UMAD1: variants seen among roughly 807,000 people sequenced by gnomAD.
UMAD1 encodes the protein UBAP1-MVB12-associated (UMA) domain containing 1, also known as UBAP1-MVB12-associated (UMA)-domain containing protein 1.
A neutral mutation model predicts 6.1 loss-of-function variants in UMAD1; 8 were observed. The observed-to-expected ratio is 1.30, with a 90% CI of 0.76 to 2.35. The LOEUF (loss-of-function observed/expected upper bound fraction) is 2.35, where lower values mean the gene tolerates loss of function less well. UMAD1 is among the 30% of genes most tolerant of loss of function. The pLI is 0.00. For synonymous variants in UMAD1, 56 were observed against 31.4 expected, an observed-to-expected ratio of 1.78 and a Z score of -2.61; for missense variants, 130 against 78.4, an observed-to-expected ratio of 1.66 and a Z score of -2.49.
chr7:7,865,561 C>T (rs1784210377), intron 3 of UMAD1, among the ~76,000 whole-genome samples: 1 of 152,182 alleles, frequency 6.6e-6, no homozygotes, highest in Non-Finnish European at 1.5e-5. Context: ...TTTCCTCTAA[C>T]AGAGGTGAAC....
intron 2 of UMAD1, among the ~76,000 whole-genome samples, chr7:7,728,137 A>T (rs1046032954): frequency 1.4e-4 from 22 of 152,272 alleles, no homozygotes; most frequent in African/African-American, 5.3e-4. Context: ...GTACATGTTC[A>T]GATATGTGTG....
chr7:7,641,389 C>CCCCGAGT (rs1784970583), intron 1 of UMAD1: 1 of 152,058 alleles, frequency 6.6e-6, no homozygotes, highest in South Asian at 2.1e-4. Flanking sequence ...GTTCCCCGAG[C>CCCCGAGT]TAGGGTTCTC....
At chr7:7,855,544 G>A (rs919667891) in intron 3 of UMAD1, among the ~76,000 whole-genome samples, 4 of 152,224 alleles carry the variant, frequency 2.6e-5, no homozygotes, top group Non-Finnish European at 5.9e-5. Context: ...GAGTGGCTAG[G>A]ATACAGGGCA....
chr7:7,658,543 G>C (rs1200052508), intron 1 of UMAD1, among the ~76,000 whole-genome samples: 1 of 152,102 alleles, frequency 6.6e-6, no homozygotes, highest in East Asian at 1.9e-4. Flanking sequence ...TTTATCGAAG[G>C]CCTTTTCTGC....
intron 2 of UMAD1, among the ~76,000 whole-genome samples, chr7:7,777,021 GCT>G (rs1427230418): frequency 1.3e-5 from 2 of 152,064 alleles, no homozygotes; most frequent in Non-Finnish European, 2.9e-5. Flanking sequence ...GCAAAAGGTA[GCT>G]TACTATACCA....
chr7:7,792,938 G>T (rs547334201), intron 2 of UMAD1, among the ~76,000 whole-genome samples: 1 of 152,060 alleles, frequency 6.6e-6, no homozygotes. Flanking sequence ...CACTCGTGAG[G>T]GCTCCATCCT....
intron 2 of UMAD1, among the ~76,000 whole-genome samples, chr7:7,774,568 A>T (rs1020122585): frequency 5.9e-5 from 9 of 152,162 alleles, no homozygotes; most frequent in Non-Finnish European, 1.2e-4. Flanking sequence ...GAACTGTTTG[A>T]CCCATTTATG....
intron 2 of UMAD1, among the ~76,000 whole-genome samples, chr7:7,770,226 C>G (rs1782072903): frequency 6.6e-6 from 1 of 152,130 alleles, no homozygotes; most frequent in Non-Finnish European, 1.5e-5. Context: ...TTCAAACTTA[C>G]CTTCATCACA....
intron 2 of UMAD1, chr7:7,742,444 C>G: frequency 1.8e-6 from 1 of 546,832 alleles, no homozygotes; most frequent in Non-Finnish European, 3.6e-6. Context: ...TTCTTTTTTT[C>G]TTTTTCTTTT....
At chr7:7,716,772 C>T (rs928834273) in intron 2 of UMAD1, among the ~76,000 whole-genome samples, 4 of 152,152 alleles carry the variant, frequency 2.6e-5, no homozygotes, top group East Asian at 3.9e-4. Context: ...GGTGAAACCC[C>T]GTCTCTACTA....
intron 3 of UMAD1, among the ~76,000 whole-genome samples, chr7:7,807,491 G>T (rs1782940941): frequency 6.6e-6 from 1 of 152,084 alleles, no homozygotes; most frequent in South Asian, 2.1e-4. Context: ...TAAAATATTT[G>T]TTAAGTGTCT....
rs376262570 is a variant in UMAD1 at position 7,770,330 on chromosome 7, A to G, written c.83-31340A>G. ...GCTCTGGAGCCTGCCTAGCCTGCCT[A>G]ATGCTCTGGGACCTTGCTCTGTTTA... is the stretch of plus-strand genomic sequence containing the variant. On this transcript the variant is annotated intron_variant, in intron 2 of 3. Transcript: ENST00000682710. Among the ~76,000 whole-genome samples, 5 of 152,222 alleles carry G rather than the reference A, an allele frequency of 3.3e-5. No homozygotes were observed. The East Asian group carries it at 7.7e-4, about 23-fold the overall frequency.
chr7:7,786,821 G>T (rs192021251), intron 2 of UMAD1, among the ~76,000 whole-genome samples: 4 of 152,292 alleles, frequency 2.6e-5, no homozygotes, highest in Admixed American at 2.0e-4. Context: ...ATAGGAGGAG[G>T]AAGGTTTGCC....
intron 2 of UMAD1, among the ~76,000 whole-genome samples, chr7:7,792,717 T>A (rs558356512): frequency 6.4e-4 from 97 of 152,326 alleles, no homozygotes; most frequent in African/African-American, 2.2e-3. Flanking sequence ...TGGACTGCTA[T>A]AACAAAATAC....
At chr7:7,698,965 C>A in intron 2 of UMAD1, among the ~76,000 whole-genome samples, 1 of 151,408 alleles carries the variant, frequency 6.6e-6, no homozygotes, top group East Asian at 1.9e-4. Context: ...AGTGATTCTC[C>A]CACTTCAGCC....
intron 2 of UMAD1, among the ~76,000 whole-genome samples, chr7:7,761,896 G>A (rs56044403): frequency 0.26 from 38,954 of 151,782 alleles, 5,598 homozygotes; most frequent in African/African-American, 0.38. Context: ...CTTCTTATCC[G>A]TCTCCTTTGC....
At chr7:7,738,047 A>T (rs1367301813) in intron 2 of UMAD1, among the ~76,000 whole-genome samples, 3 of 152,232 alleles carry the variant, frequency 2.0e-5, no homozygotes, top group Non-Finnish European at 4.4e-5. Flanking sequence ...AATGGATTCT[A>T]AAGTCAAGCT....
At chr7:7,855,339 C>G (rs1783995877) in intron 3 of UMAD1, among the ~76,000 whole-genome samples, 1 of 152,240 alleles carries the variant, frequency 6.6e-6, no homozygotes, top group African/African-American at 2.4e-5. Flanking sequence ...GGGCTCCACC[C>G]CTGCAGCAAA....
intron 2 of UMAD1, among the ~76,000 whole-genome samples, chr7:7,711,398 A>G (rs541285862): frequency 7.9e-5 from 12 of 152,276 alleles, no homozygotes; most frequent in African/African-American, 2.9e-4. Flanking sequence ...ACTTTAGTAA[A>G]TCATGGCAAA....
Sources: allele counts gnomAD v4.1 joint callset (sites outside exome capture counted in the v4.1 genomes callset), GRCh38; gene constraint gnomAD v4.1.1; transcripts MANE v1.5; gene names NCBI Gene and HGNC (gene_info 2026-07-23, HGNC 2026-07-21).